Variants in ZNF804B observed in about 807,000 individuals in gnomAD.
ZNF804B encodes the protein zinc finger protein 804B, also known as zinc finger 804B.
Under a neutral mutation model 101.4 loss-of-function variants are expected in ZNF804B, and 80 were observed. The ratio of observed to expected loss-of-function variants is 0.79; its 90% CI spans 0.66 to 0.95. The LOEUF is 0.95. Among genes scored for constraint, ZNF804B ranks in the 40% least tolerant of loss-of-function variants. The pLI, the probability that ZNF804B is intolerant of heterozygous loss-of-function variation, is 0.00. For missense variants in ZNF804B, 1,673 were observed against 1,561.9 expected, an observed-to-expected ratio of 1.07 and a Z score of -1.20; for synonymous variants, 622 against 558.8, an observed-to-expected ratio of 1.11 and a Z score of -1.59.
At chr7:88,785,997 G>T (rs192453298) in intron 1 of ZNF804B, among the ~76,000 whole-genome samples, 12 of 152,164 alleles carry the variant, frequency 7.9e-5, no homozygotes, top group Non-Finnish European at 2.9e-5. Context: ...TATGTCTGGG[G>T]TGAAGGGAGA....
chr7:89,144,539 C>A (rs147485196), intron 1 of ZNF804B, among the ~76,000 whole-genome samples: 1 of 151,036 alleles, frequency 6.6e-6, no homozygotes, highest in Non-Finnish European at 1.5e-5. Flanking sequence ...TTATCAGAGG[C>A]GGGGAAGGGT....
At chr7:88,904,710 T>G (rs959139934) in intron 1 of ZNF804B, among the ~76,000 whole-genome samples, 1 of 152,166 alleles carries the variant, frequency 6.6e-6, no homozygotes, top group African/African-American at 2.4e-5. Flanking sequence ...TACTTTTTGC[T>G]ATTGTAAATG....
At chr7:89,286,671 G>A (rs1790203148) in intron 2 of ZNF804B, among the ~76,000 whole-genome samples, 1 of 152,272 alleles carries the variant, frequency 6.6e-6, no homozygotes, top group South Asian at 2.1e-4. Context: ...GGACAATGAG[G>A]AAGAAGACAT....
intron 2 of ZNF804B, among the ~76,000 whole-genome samples, chr7:89,261,416 T>C (rs1789711021): frequency 1.3e-5 from 2 of 152,164 alleles, no homozygotes; most frequent in Admixed American, 1.3e-4. Context: ...TTTTTCAAAT[T>C]GTCCAAAGTC....
intron 2 of ZNF804B, among the ~76,000 whole-genome samples, chr7:89,272,628 C>G (rs536183266): frequency 6.6e-6 from 1 of 152,174 alleles, no homozygotes; most frequent in East Asian, 1.9e-4. Context: ...CCCGCTACCC[C>G]TTTATGTTCC....
Position 89,334,656 on chromosome 7 carries a change from T to C in ZNF804B, c.1674T>C (p.Asp558=), listed in dbSNP as rs778861191. Residue 558 remains aspartate, a synonymous_variant, in exon 4 of 4, where the codon GAT becomes GAC. Coordinates refer to ENST00000333190, the MANE Select transcript of ZNF804B (RefSeq NM_181646.5). The part of the protein sequence containing the change: ...FQRKYNLDYS[D]SEPNKSEYTF... The stretch of plus-strand genomic sequence containing the variant: ...GGAAATATAATTTGGACTACAGTGA[T>C]TCTGAGCCAAATAAGAGTGAATATA... The C allele has an allele frequency of 2.8e-5, 45 of 1,613,680 alleles. No homozygotes were observed. The highest frequency in any genetic ancestry group is 1.6e-4 in the Middle Eastern group (1 of 6,082).
intron 1 of ZNF804B, among the ~76,000 whole-genome samples, chr7:89,206,905 C>T (rs1031664477): frequency 6.6e-6 from 1 of 152,200 alleles, no homozygotes; most frequent in African/African-American, 2.4e-5. Flanking sequence ...ATCCCTATGG[C>T]AGGAGCAAAG....
At chr7:88,979,901 T>TTTCTA (rs201103300) in intron 1 of ZNF804B, among the ~76,000 whole-genome samples, 3,403 of 151,630 alleles carry the variant, frequency 0.022, 126 homozygotes, top group African/African-American at 0.078. Flanking sequence ...GCTTCATTCT[T>TTTCTA]TTCTTTTTTT....
At chr7:88,993,256 A>G (rs1584059268) in intron 1 of ZNF804B, among the ~76,000 whole-genome samples, 2 of 152,164 alleles carry the variant, frequency 1.3e-5, no homozygotes, top group East Asian at 1.9e-4. Context: ...TATTTTGTGT[A>G]ATTTGTTTAT....
At chr7:89,098,476 G>A (rs183670874) in intron 1 of ZNF804B, among the ~76,000 whole-genome samples, 53 of 151,956 alleles carry the variant, frequency 3.5e-4, no homozygotes, top group African/African-American at 1.2e-3. Flanking sequence ...TTTCACCAAC[G>A]TTGGTCAGGC....
chr7:88,778,070 C>T (rs894250762), intron 1 of ZNF804B, among the ~76,000 whole-genome samples: 2 of 152,042 alleles, frequency 1.3e-5, no homozygotes, highest in Admixed American at 1.3e-4. Context: ...TATTATTTTG[C>T]CATTCTGTGG....
At chr7:88,927,270 A>G (rs1792818199) in intron 1 of ZNF804B, among the ~76,000 whole-genome samples, 1 of 152,174 alleles carries the variant, frequency 6.6e-6, no homozygotes, top group Non-Finnish European at 1.5e-5. Context: ...ATAAATGAAG[A>G]TGTTTTTCAA....
At chr7:88,845,299 G>GCACACA (rs369657042) in intron 1 of ZNF804B, among the ~76,000 whole-genome samples, 8,922 of 138,434 alleles carry the variant, frequency 0.064, 308 homozygotes, top group East Asian at 0.19. Flanking sequence ...GCGCACGCGC[G>GCACACA]CGCACACACA....
intron 1 of ZNF804B, among the ~76,000 whole-genome samples, chr7:88,779,648 C>T (rs1427540512): frequency 6.6e-6 from 1 of 152,124 alleles, no homozygotes; most frequent in East Asian, 1.9e-4. Context: ...ACTTTAACTT[C>T]ACATTTTACT....
chr7:88,803,864 G>A (rs1790645251), intron 1 of ZNF804B, among the ~76,000 whole-genome samples: 1 of 152,012 alleles, frequency 6.6e-6, no homozygotes, highest in Non-Finnish European at 1.5e-5. Context: ...ATAGTGAAAG[G>A]AAAGAAGAAG....
At position 88,871,522 on chromosome 7, in the gene ZNF804B, A is replaced by C. The variant is rs528936128; in HGVS notation, c.108+111438A>C. ...ATTAATTATATAGCTGAAAATATAT[A>C]CTAATAAGAGAATAATTACACTATA... On this transcript the variant is annotated intron_variant, in intron 1 of 3. Transcript: ENST00000333190. Among the ~76,000 whole-genome samples, 15 of 152,308 alleles carry C rather than the reference A, an allele frequency of 9.8e-5. 1 individual carries two copies. The South Asian group carries it at 3.1e-3, about 32-fold the overall frequency.
chr7:89,142,304 T>TTTG lies in ZNF804B; in HGVS notation c.109-75833_109-75831dup, dbSNP rs148973759. Among the ~76,000 whole-genome samples, 92 of 151,800 alleles carry TTTG rather than the reference T, an allele frequency of 6.1e-4. 1 individual carries two copies. The highest frequency in any genetic ancestry group is 9.4e-4 in the Non-Finnish European group (64 of 67,902). On this transcript the variant is annotated intron_variant, in intron 1 of 3. Transcript: ENST00000333190. ...TTGTTGTTTTTTGTTTTATTTTTCT[T>TTTG]TTGTTGTTGTTGTTGTTGTTTGTTT...
At chr7:88,859,364 A>T (rs910174529) in intron 1 of ZNF804B, among the ~76,000 whole-genome samples, 1 of 152,118 alleles carries the variant, frequency 6.6e-6, no homozygotes, top group Non-Finnish European at 1.5e-5. Context: ...ACAAAAACTG[A>T]TATAAGCCAG....
intron 1 of ZNF804B, among the ~76,000 whole-genome samples, chr7:88,976,772 T>C (rs1039607710): frequency 1.3e-5 from 2 of 151,668 alleles, no homozygotes; most frequent in Admixed American, 1.3e-4. Flanking sequence ...CAGTACTATA[T>C]TAAATAACAG....
Sources: gnomAD v4.1 joint callset for allele counts (sites outside exome capture counted in the v4.1 genomes callset) on GRCh38, gnomAD v4.1.1 for gene constraint, MANE v1.5 for transcripts, NCBI Gene and HGNC (gene_info 2026-07-23, HGNC 2026-07-21) for gene names.